Variants in PRDM16 observed in about 807,000 individuals in gnomAD.
The protein encoded by PRDM16 is PR/SET domain 16.
PRDM16 carries 23 observed loss-of-function variants against 110.6 expected under a neutral mutation model. The observed-to-expected ratio is 0.21, with a 90% confidence interval of 0.15 to 0.29. The LOEUF is 0.29. PRDM16 is among the 10% of genes least tolerant of loss of function. The pLI is 1.00. For missense variants in PRDM16, 1,615 were observed against 1,794.3 expected (o/e 0.90, Z 1.81); for synonymous variants, 799 against 781.8 (o/e 1.02, Z -0.37).
chr1:3,211,732 C>T (rs1265231451), intron 2 of PRDM16, among the ~76,000 whole-genome samples: 2 of 152,248 alleles, frequency 1.3e-5, no homozygotes, highest in Non-Finnish European at 2.9e-5. Flanking sequence ...CGGCCTGGGT[C>T]CTCAGAGGAG....
Position 3,190,122 on chromosome 1 carries a change from G to A in PRDM16, c.387+3648G>A, listed in dbSNP as rs919427926. Among the ~76,000 whole-genome samples the A allele has an allele frequency of 2.6e-5, 4 of 152,148 alleles. No individual in the cohort carries two copies. In the East Asian group the frequency reaches 7.7e-4, roughly 29 times the overall value. On this transcript the variant is annotated intron_variant, in intron 2 of 16. Transcript: ENST00000270722. The surrounding 1 kb of genome is among the most constrained non-coding windows in gnomAD (Gnocchi z 5.0). ...TGACTCCCTGGGGATGAGAGATGGG[G>A]CGGGCAGCACGTGAGGCACCCACGA... is the stretch of plus-strand genomic sequence containing the variant.
chr1:3,116,223 C>T (rs1391474669), intron 1 of PRDM16, among the ~76,000 whole-genome samples: 1 of 152,174 alleles, frequency 6.6e-6, no homozygotes, highest in East Asian at 1.9e-4. Context: ...TGGTTCCAGA[C>T]CCCATGGCAC....
chr1:3,274,168 C>T (rs995838312), intron 3 of PRDM16, among the ~76,000 whole-genome samples: 3 of 152,124 alleles, frequency 2.0e-5, no homozygotes, highest in Non-Finnish European at 2.9e-5. Flanking sequence ...TGGGATTTGA[C>T]CATGATGGCT....
At position 3,411,839 on chromosome 1, in the gene PRDM16, C is replaced by T. The variant is rs866090726; in HGVS notation, c.1642C>T (p.Pro548Ser). The change falls in exon 9 of 17, where the codon CCC (proline) becomes TCC (serine). Residue 548 changes from proline (P) to serine (S), a missense_variant. Physicochemically the swap from Pro to Ser is moderately conservative, Grantham distance 74. Coordinates refer to ENST00000270722, the MANE Select transcript of PRDM16 (RefSeq NM_022114.4). ...GAACCACACCCAGGACGCCAAGCTC[C>T]CCAGTCCCCTGGGGAACCCAGCCCT... is the stretch of plus-strand genomic sequence containing the variant. ...PLNHTQDAKL[P>S]SPLGNPALPL... 1.2e-6 allele frequency: 2 copies of T among 1,611,728 alleles called. No homozygotes were observed. Among genetic ancestry groups the T allele is most frequent in the East Asian group, 2.2e-5 (1 of 44,800 alleles).
At chr1:3,258,071 C>T (rs1485182515) in intron 3 of PRDM16, among the ~76,000 whole-genome samples, 1 of 152,146 alleles carries the variant, frequency 6.6e-6, no homozygotes, top group African/African-American at 2.4e-5. Flanking sequence ...TAGGCCTTTG[C>T]TTTTGGTGCC....
rs555729949 is a variant in PRDM16 at position 3,389,695 on chromosome 1, C to T, written c.573+4409C>T. ...CGGCCAAGGGCACACTGGCCCCTTC[C>T]GAGGCCAAGGGTCCCGCTGCTCCTG... is the stretch of plus-strand genomic sequence containing the variant. On this transcript the variant is annotated intron_variant, in intron 4 of 16. Coordinates refer to ENST00000270722, the MANE Select transcript of PRDM16 (RefSeq NM_022114.4). Among the ~76,000 whole-genome samples, 3 of 152,354 alleles carry T rather than the reference C, an allele frequency of 2.0e-5. No homozygotes were observed. The East Asian group carries it at 5.8e-4, about 29-fold the overall frequency.
At chr1:3,097,814 C>A (rs573126587) in intron 1 of PRDM16, among the ~76,000 whole-genome samples, 34 of 152,208 alleles carry the variant, frequency 2.2e-4, no homozygotes, top group African/African-American at 8.2e-4. Context: ...TAGAGAGATC[C>A]CAGGGGGGCC....
intron 1 of PRDM16, among the ~76,000 whole-genome samples, chr1:3,120,824 C>T (rs1643078220): frequency 1.3e-5 from 2 of 152,164 alleles, no homozygotes; most frequent in Admixed American, 6.5e-5. Flanking sequence ...AGGAGGCTGC[C>T]GGCCCCAGAA....
Position 3,265,449 on chromosome 1 carries a change from G to T in PRDM16, c.438+21312G>T, listed in dbSNP as rs1025963300. The stretch of plus-strand genomic sequence containing the variant: ...AGGTCCTGTCCCAGTAGGGGGTTGG[G>T]GAGGGACTTGGAGGCTTCCCGGTGG... On this transcript the variant is annotated intron_variant, in intron 3 of 16. Transcript: ENST00000270722. This position sits in a 1 kb window ranked among gnomAD's most constrained non-coding sequence, Gnocchi z 4.5. Among the ~76,000 whole-genome samples the T allele has an allele frequency of 2.6e-5, 4 of 151,978 alleles. No individual in the cohort carries two copies. The highest frequency in any genetic ancestry group is 9.7e-5 in the African/African-American group (4 of 41,352).
At chr1:3,367,869 G>A (rs188533389) in intron 3 of PRDM16, among the ~76,000 whole-genome samples, 65 of 152,238 alleles carry the variant, frequency 4.3e-4, no homozygotes, top group African/African-American at 1.5e-3. Context: ...TCAAAAGAAG[G>A]CATTTGAGGA....
intron 2 of PRDM16, among the ~76,000 whole-genome samples, chr1:3,211,568 T>C (rs1267050430): frequency 6.6e-6 from 1 of 151,878 alleles, no homozygotes; most frequent in African/African-American, 2.4e-5. Flanking sequence ...TGCTGTGAGG[T>C]CCCTGCCTCA....
intron 1 of PRDM16, among the ~76,000 whole-genome samples, chr1:3,162,569 T>G (rs1557493361): frequency 6.6e-6 from 1 of 152,176 alleles, no homozygotes; most frequent in East Asian, 1.9e-4. Flanking sequence ...TCCCTGGCTT[T>G]GTGAGAGGCC....
At chr1:3,361,540 C>T (rs1642713912) in intron 3 of PRDM16, among the ~76,000 whole-genome samples, 2 of 152,240 alleles carry the variant, frequency 1.3e-5, no homozygotes, top group African/African-American at 2.4e-5. Flanking sequence ...TGCCACAGTC[C>T]ACATCCTACC....
intron 3 of PRDM16, among the ~76,000 whole-genome samples, chr1:3,376,702 C>CCT (rs144183017): frequency 1.1e-4 from 16 of 150,578 alleles, no homozygotes; most frequent in Non-Finnish European, 1.6e-4. Flanking sequence ...CAAGCAGCAG[C>CCT]CTCTCTCTCT....
chr1:3,304,743 G>A (rs1032526665), intron 3 of PRDM16, among the ~76,000 whole-genome samples: 8 of 134,366 alleles, frequency 6.0e-5, no homozygotes, highest in South Asian at 2.2e-4. Context: ...TGTCCCCTTC[G>A]CTCCCTGCAG....
At chr1:3,108,236 C>T (rs1366055859) in intron 1 of PRDM16, among the ~76,000 whole-genome samples, 1 of 152,224 alleles carries the variant, frequency 6.6e-6, no homozygotes, top group East Asian at 1.9e-4. Context: ...TTCCCTATTC[C>T]CAATCCAAAT....
At chr1:3,398,224 T>C (rs1469759605) in intron 5 of PRDM16, among the ~76,000 whole-genome samples, 2 of 152,212 alleles carry the variant, frequency 1.3e-5, no homozygotes, top group Non-Finnish European at 2.9e-5. Flanking sequence ...CAAAAGGTTT[T>C]TTAAAAACCT....
At chr1:3,313,913 T>C (rs12741836) in intron 3 of PRDM16, among the ~76,000 whole-genome samples, 49,926 of 152,202 alleles carry the variant, frequency 0.33, 10,860 homozygotes, top group African/African-American at 0.61. Flanking sequence ...GTTCGCGCCC[T>C]GGCTGCGATT....
At position 3,414,657 on chromosome 1, in the gene PRDM16, C is replaced by T. The variant is rs747764589; in HGVS notation, c.2691+10C>T. ...GCTCTTCCACCCCCAGGTACGTCCT[C>T]AGTGCAGGTCAGGGCGCCCTGTAAC... On this transcript the variant is annotated intron_variant, in intron 10 of 16. Transcript: ENST00000270722. The T allele has an allele frequency of 1.6e-5, 26 of 1,608,070 alleles. No individual in the cohort carries two copies. Among genetic ancestry groups the T allele is most frequent in the Middle Eastern group, 1.6e-4 (1 of 6,072 alleles).
Sources: gnomAD v4.1 joint callset for allele counts (sites outside exome capture counted in the v4.1 genomes callset) on GRCh38, gnomAD v4.1.1 for gene constraint, Gnocchi (gnomAD v3.1) non-coding constraint, MANE v1.5 for transcripts, NCBI Gene and HGNC (gene_info 2026-07-23, HGNC 2026-07-21) for gene names.